Variants in EYS observed in about 807,000 individuals in gnomAD.
EYS encodes protein eyes shut homolog.
EYS carries 250 observed loss-of-function variants against 282.1 expected under a neutral mutation model. The ratio of observed to expected loss-of-function variants is 0.89; its 90% CI spans 0.80 to 0.98. The LOEUF is 0.98. Among genes scored for constraint, EYS ranks in the 50% least tolerant of loss-of-function variants. The pLI is 0.00. For synonymous variants in EYS, 1,355 were observed against 1,282.9 expected (o/e 1.06, Z -1.20); for missense variants, 4,016 against 3,709.0 (o/e 1.08, Z -2.15).
intron 12 of EYS, among the ~76,000 whole-genome samples, chr6:65,166,530 A>G (rs1167002971): frequency 6.6e-6 from 1 of 151,160 alleles, no homozygotes; most frequent in Non-Finnish European, 1.5e-5. Flanking sequence ...CAAAATACTA[A>G]AGTTGGACCC....
intron 30 of EYS, among the ~76,000 whole-genome samples, chr6:64,276,431 T>C (rs1451127391): frequency 6.6e-6 from 1 of 152,232 alleles, no homozygotes; most frequent in African/African-American, 2.4e-5. Flanking sequence ...AAATTTAATC[T>C]ATGCATAAAC....
At chr6:63,978,974 AATG>A (rs1201715590) in intron 35 of EYS, among the ~76,000 whole-genome samples, 1 of 151,980 alleles carries the variant, frequency 6.6e-6, no homozygotes, top group African/African-American at 2.4e-5. Context: ...TACTGAGAAT[AATG>A]ATAATTTCTG....
intron 33 of EYS, among the ~76,000 whole-genome samples, chr6:64,030,040 A>G (rs1002965582): frequency 6.6e-6 from 1 of 152,222 alleles, no homozygotes; most frequent in Admixed American, 6.5e-5. Flanking sequence ...AGGGGAGAAC[A>G]GCAGCATAAG....
intron 14 of EYS, among the ~76,000 whole-genome samples, chr6:64,970,463 G>A (rs1770252149): frequency 6.6e-6 from 1 of 152,124 alleles, no homozygotes; most frequent in Admixed American, 6.5e-5. Flanking sequence ...CTCCCAAAGT[G>A]CTAGAATTAC....
chr6:65,642,732 C>A (rs981218721), intron 1 of EYS, among the ~76,000 whole-genome samples: 1 of 152,122 alleles, frequency 6.6e-6, no homozygotes, highest in African/African-American at 2.4e-5. Context: ...ATAAGTATTT[C>A]TTTTCTTACA....
chr6:63,849,889 G>A (rs1028634122), intron 36 of EYS, among the ~76,000 whole-genome samples: 2 of 152,128 alleles, frequency 1.3e-5, no homozygotes, highest in Non-Finnish European at 2.9e-5. Context: ...TGAGCTAAAG[G>A]AGCATGTTCT....
chr6:63,983,580 A>G (rs536987448), intron 35 of EYS, among the ~76,000 whole-genome samples: 1 of 151,834 alleles, frequency 6.6e-6, no homozygotes, highest in South Asian at 2.1e-4. Flanking sequence ...GTAATTATTG[A>G]CTGCTTGATA....
At chr6:64,218,265 T>C (rs1765993288) in intron 31 of EYS, among the ~76,000 whole-genome samples, 1 of 152,180 alleles carries the variant, frequency 6.6e-6, no homozygotes, top group Non-Finnish European at 1.5e-5. Flanking sequence ...CCTCCCTTTC[T>C]TGGAGGATTT....
chr6:64,109,281 AC>A (rs1209860467), intron 31 of EYS, among the ~76,000 whole-genome samples: 3 of 151,986 alleles, frequency 2.0e-5, no homozygotes, highest in African/African-American at 4.8e-5. Context: ...TCCTCACTCT[AC>A]TAATACTTTA....
chr6:63,997,102 A>G (rs866800613), intron 34 of EYS, among the ~76,000 whole-genome samples: 22 of 152,218 alleles, frequency 1.4e-4, no homozygotes, highest in African/African-American at 5.1e-4. Context: ...ATTTTGTGCC[A>G]AAGTCCGTGA....
intron 41 of EYS, among the ~76,000 whole-genome samples, chr6:63,754,076 CT>C (rs1479509196): frequency 6.6e-6 from 1 of 152,152 alleles, no homozygotes; most frequent in East Asian, 1.9e-4. Context: ...ATTTCTTACT[CT>C]TTTTCCCTGA....
chr6:64,891,526 A>G (rs1356153160), intron 18 of EYS, among the ~76,000 whole-genome samples: 2 of 152,074 alleles, frequency 1.3e-5, no homozygotes, highest in Non-Finnish European at 2.9e-5. Context: ...TGCCTAGGGT[A>G]TGTCTGAAAA....
intron 30 of EYS, among the ~76,000 whole-genome samples, chr6:64,239,599 TG>T (rs1261332940): frequency 7.8e-6 from 1 of 127,698 alleles, no homozygotes; most frequent in East Asian, 2.8e-4. Context: ...TTGATGGGGT[TG>T]TTTTTTTTTT....
intron 39 of EYS, among the ~76,000 whole-genome samples, chr6:63,784,443 A>G (rs757228377): frequency 6.6e-6 from 1 of 152,136 alleles, no homozygotes. Context: ...GTAACTTACT[A>G]CCTGAAACTG....
chr6:65,152,922 T>G (rs927284130), intron 12 of EYS, among the ~76,000 whole-genome samples: 1 of 151,494 alleles, frequency 6.6e-6, no homozygotes, highest in African/African-American at 2.4e-5. Flanking sequence ...GACTTCATAT[T>G]GTTAATTAAT....
chr6:64,189,027 T>A (rs1765028774), intron 31 of EYS, among the ~76,000 whole-genome samples: 1 of 152,194 alleles, frequency 6.6e-6, no homozygotes, highest in African/African-American at 2.4e-5. Flanking sequence ...TAATAATGTG[T>A]AATATCATTG....
At chr6:63,799,845 C>T (rs955631974) in intron 37 of EYS, among the ~76,000 whole-genome samples, 1 of 152,204 alleles carries the variant, frequency 6.6e-6, no homozygotes, top group African/African-American at 2.4e-5. Flanking sequence ...GAGAACATTA[C>T]ATGAATGAGT....
At chr6:64,492,254 C>T (rs2150506495) in intron 26 of EYS, among the ~76,000 whole-genome samples, 1 of 151,168 alleles carries the variant, frequency 6.6e-6, no homozygotes, top group Non-Finnish European at 1.5e-5. Context: ...GGATCAATGT[C>T]TGAAGTCCAT....
At chr6:65,409,406 G>GCA (rs1454453556) in intron 5 of EYS, among the ~76,000 whole-genome samples, 1 of 152,120 alleles carries the variant, frequency 6.6e-6, no homozygotes, top group Non-Finnish European at 1.5e-5. Flanking sequence ...CTGTCATTAG[G>GCA]CACACCATAG....
Sources: allele counts gnomAD v4.1 joint callset (sites outside exome capture counted in the v4.1 genomes callset), GRCh38; gene constraint gnomAD v4.1.1; transcripts MANE v1.5; gene names NCBI Gene and HGNC (gene_info 2026-07-23, HGNC 2026-07-21).